The following KALRN variants were observed in gnomAD, a reference collection of about 807,000 sequenced individuals.
The protein encoded by KALRN is kalirin RhoGEF kinase, also known as kalirin.
KALRN carries 70 observed loss-of-function variants against 353.7 expected under a neutral mutation model. The ratio of observed to expected loss-of-function variants is 0.20; its 90% CI spans 0.16 to 0.24. The LOEUF is 0.24. KALRN is among the 10% of genes least tolerant of loss of function. The pLI, the probability that KALRN is intolerant of heterozygous loss-of-function variation, is 1.00. For synonymous variants in KALRN, 1,391 were observed against 1,434.8 expected (o/e 0.97, Z 0.69); for missense variants, 2,791 against 3,756.7 (o/e 0.74, Z 6.72).
chr3:124,659,893 A>G lies in KALRN; in HGVS notation c.6216+436A>G, dbSNP rs1284088820. ...AAAATCAATATATTATATAAAATCAATATATTTTATATATAATCAATATAT... is the reference window on the plus strand; with the variant it reads ...AAAATCAATATATTATATAAAATCAGTATATTTTATATATAATCAATATAT... On this transcript the variant is annotated intron_variant, in intron 43 of 59. Transcript: ENST00000682506. Among the ~76,000 whole-genome samples the G allele has an allele frequency of 2.0e-5, 3 of 148,390 alleles. No homozygotes were observed. In the Admixed American group the frequency reaches 2.0e-4, roughly 10 times the overall value.
intron 34 of KALRN, among the ~76,000 whole-genome samples, chr3:124,564,490 A>G (rs1335697841): frequency 6.6e-6 from 1 of 152,136 alleles, no homozygotes; most frequent in Admixed American, 6.5e-5. Flanking sequence ...AGACTGGGCA[A>G]CATAGTGAGA....
At chr3:124,291,449 G>A (rs1026263188) in intron 5 of KALRN, among the ~76,000 whole-genome samples, 1 of 152,068 alleles carries the variant, frequency 6.6e-6, no homozygotes, top group African/African-American at 2.4e-5. Flanking sequence ...CTGTTTTCAG[G>A]GAAGCTGAAC....
In KALRN at chr3:124,094,016, T is replaced by G. The variant is rs188092513; in HGVS notation, c.73+60203T>G. 4 of 151,952 alleles carry G rather than the reference T, an allele frequency of 2.6e-5. No homozygotes were observed. The East Asian group carries it at 7.7e-4, about 29-fold the overall frequency. The allele number at this position is 151,952 out of a possible 1,614,324, so 9.4% of individuals were successfully genotyped here. A position where few individuals can be genotyped will look rare whatever the true frequency, so the allele number is the denominator to read the frequency against. Reference sequence around the variant, plus strand: ...GAGAGGTAAGGGAGAACCTTCTATCTACCAGTATCTACCAGGTGCAACACC... The same window carrying G: ...GAGAGGTAAGGGAGAACCTTCTATCGACCAGTATCTACCAGGTGCAACACC... On this transcript the variant is annotated intron_variant, in intron 1 of 59. Coordinates refer to ENST00000682506, the MANE Select transcript of KALRN (RefSeq NM_001388419.1).
At chr3:124,518,741 AGGCCCAAT>A (rs1476948352) in intron 33 of KALRN, 8 of 1,380,264 alleles carry the variant, frequency 5.8e-6, no homozygotes, top group Non-Finnish European at 6.6e-6. Context: ...GACCTGTGAG[AGGCCCAAT>A]GGCCCAATGT....
At chr3:124,330,425 C>A (rs987187656) in intron 8 of KALRN, among the ~76,000 whole-genome samples, 6 of 151,988 alleles carry the variant, frequency 3.9e-5, no homozygotes, top group Non-Finnish European at 7.4e-5. Flanking sequence ...GCCCTGCCAC[C>A]TTTTTTATGA....
At chr3:124,231,270 A>C (rs2079122627) in intron 2 of KALRN, among the ~76,000 whole-genome samples, 1 of 152,164 alleles carries the variant, frequency 6.6e-6, no homozygotes, top group Non-Finnish European at 1.5e-5. Context: ...ACAGCTCACG[A>C]GCTCCCCTTG....
At chr3:124,071,443 C>A (rs1323391836) in intron 1 of KALRN, among the ~76,000 whole-genome samples, 2 of 152,214 alleles carry the variant, frequency 1.3e-5, no homozygotes, top group Non-Finnish European at 2.9e-5. Flanking sequence ...GGGTTCTTTT[C>A]ATCAACATTG....
At chr3:124,694,289 A>C in intron 52 of KALRN, 43 bp from the exon 53 acceptor site, 1 of 1,590,132 alleles carries the variant, frequency 6.3e-7, no homozygotes, top group Non-Finnish European at 8.6e-7. Flanking sequence ...TTTTATTCTA[A>C]ATTTGCTCTG....
At chr3:124,474,551 G>C (rs1366570377) in intron 25 of KALRN, 112 bp from the exon 26 acceptor site, 3 of 802,224 alleles carry the variant, frequency 3.7e-6, no homozygotes, top group African/African-American at 1.7e-5. Flanking sequence ...TTAGACAGTA[G>C]AGAAGCCATG....
intron 15 of KALRN, among the ~76,000 whole-genome samples, chr3:124,426,390 G>A (rs2093022256): frequency 6.6e-6 from 1 of 152,062 alleles, no homozygotes; most frequent in Non-Finnish European, 1.5e-5. Context: ...CCATTAATGG[G>A]GGCAGAGAGG....
At chr3:124,428,503 A>C (rs2093128606) in intron 15 of KALRN, among the ~76,000 whole-genome samples, 1 of 152,184 alleles carries the variant, frequency 6.6e-6, no homozygotes, top group Non-Finnish European at 1.5e-5. Context: ...GGTAAGTAAA[A>C]AAGCCAGATT....
At chr3:124,431,171 T>C (rs1226997926) in intron 16 of KALRN, among the ~76,000 whole-genome samples, 2 of 152,202 alleles carry the variant, frequency 1.3e-5, no homozygotes, top group African/African-American at 4.8e-5. Context: ...GCAAAGGTCA[T>C]TATAAATTAG....
chr3:124,637,938 G>C (rs376134096), intron 37 of KALRN, among the ~76,000 whole-genome samples: 1 of 152,170 alleles, frequency 6.6e-6, no homozygotes, highest in South Asian at 2.1e-4. Context: ...GAGCAGGTTT[G>C]GGGTTTTGGC....
chr3:124,300,534 T>A (rs973964890), intron 6 of KALRN, among the ~76,000 whole-genome samples: 1 of 152,228 alleles, frequency 6.6e-6, no homozygotes, highest in African/African-American at 2.4e-5. Context: ...ATGCTGGCTC[T>A]GAAACTTTCC....
At chr3:124,490,164 G>T (rs1315507419) in intron 29 of KALRN, among the ~76,000 whole-genome samples, 1 of 152,132 alleles carries the variant, frequency 6.6e-6, no homozygotes, top group East Asian at 1.9e-4. Flanking sequence ...AAGCTAAGCT[G>T]GGAGGATCAC....
intron 13 of KALRN, among the ~76,000 whole-genome samples, chr3:124,403,505 C>T (rs1404027788): frequency 6.6e-6 from 1 of 152,044 alleles, no homozygotes; most frequent in Admixed American, 6.6e-5. Context: ...GCTTAATGCA[C>T]CTGAAAGTTT....
In KALRN at chr3:124,518,492, C is replaced by T. The variant is rs185958193; in HGVS notation, c.4935+22079C>T. 3.7e-6 allele frequency: 6 copies of T among 1,613,818 alleles called. No individual in the cohort carries two copies. The East Asian group carries it at 1.1e-4, about 30-fold the overall frequency. On this transcript the variant is annotated intron_variant, in intron 33 of 59. Transcript: ENST00000682506. ...CATCCTGGGACTTGTCCCTGCAGCT[C>T]ACCGGGTTAGCCGTGGCACCGTTGG...
chr3:124,587,040 G>A lies in KALRN; in HGVS notation c.5182+23951G>A, dbSNP rs577981393. 1.8e-4 allele frequency among the ~76,000 whole-genome samples: 27 copies of A among 152,344 alleles called. No individual in the cohort carries two copies. In the South Asian group the frequency reaches 4.1e-3, roughly 23 times the overall value. ...AGCCTGAGTGCATGGCCCAGAGTCC[G>A]TGGACTCTTTGGGAAGAGGCTTGCC... On this transcript the variant is annotated intron_variant, in intron 34 of 59. Transcript: ENST00000682506.
intron 1 of KALRN, among the ~76,000 whole-genome samples, chr3:124,142,290 A>G (rs1418151516): frequency 6.6e-6 from 1 of 152,234 alleles, no homozygotes; most frequent in Non-Finnish European, 1.5e-5. Context: ...AGCCAGGTCC[A>G]GCACTCAGTC....
Sources: gnomAD v4.1 joint callset for allele counts (sites outside exome capture counted in the v4.1 genomes callset) on GRCh38, gnomAD v4.1.1 for gene constraint, MANE v1.5 for transcripts, NCBI Gene and HGNC (gene_info 2026-07-23, HGNC 2026-07-21) for gene names.